NMNAT1: variants seen among roughly 807,000 people sequenced by gnomAD.
NMNAT1 encodes nicotinamide/nicotinic acid mononucleotide adenylyltransferase 1.
In NMNAT1, 11 loss-of-function variants were observed where a neutral mutation model predicts 16.7. The observed-to-expected ratio is 0.66, with a 90% confidence interval of 0.41 to 1.09. The LOEUF (loss-of-function observed/expected upper bound fraction) is 1.09. Among genes scored for constraint, NMNAT1 ranks in the 50% least tolerant of loss-of-function variants. The pLI is 0.00. For synonymous variants in NMNAT1, 110 were observed against 119.8 expected, an observed-to-expected ratio of 0.92 and a Z score of 0.53; for missense variants, 280 against 332.3, an observed-to-expected ratio of 0.84 and a Z score of 1.22.
At chr1:9,996,221 G>A in the NMNAT1 span, among the ~76,000 whole-genome samples, 1 of 150,386 alleles carries the variant, frequency 6.6e-6, no homozygotes. Flanking sequence ...TGAGGCAGGA[G>A]AATGGCGTGA....
At chr1:9,995,408 T>TC in the NMNAT1 span, among the ~76,000 whole-genome samples, 1 of 150,820 alleles carries the variant, frequency 6.6e-6, no homozygotes, top group South Asian at 2.1e-4. Flanking sequence ...CAAAAAATAG[T>TC]CAGTCTGGGT....
intron 3 of NMNAT1, among the ~76,000 whole-genome samples, chr1:9,977,406 T>C (rs1239266050): frequency 6.6e-6 from 1 of 151,946 alleles, no homozygotes; most frequent in African/African-American, 2.4e-5. Flanking sequence ...TTATCTTGAG[T>C]TTAAAATGAA....
intron 1 of NMNAT1, among the ~76,000 whole-genome samples, chr1:9,948,197 G>C (rs1641022338): frequency 6.6e-6 from 1 of 152,076 alleles, no homozygotes; most frequent in Admixed American, 6.6e-5. Context: ...ATGTGTTCAG[G>C]TGCTGTGCCT....
At chr1:9,954,863 G>A (rs906046730) in intron 1 of NMNAT1, among the ~76,000 whole-genome samples, 47 of 149,806 alleles carry the variant, frequency 3.1e-4, no homozygotes, top group Admixed American at 1.0e-3. Flanking sequence ...CCCAGGAGGC[G>A]GAGGTTGCAG....
At position 9,969,423 on chromosome 1, in the gene NMNAT1, A is replaced by G. The variant is rs114512379; in HGVS notation, c.-56-2595A>G. 9.0e-3 allele frequency among the ~76,000 whole-genome samples: 1,371 copies of G among 152,212 alleles called. 24 individuals are homozygous for G. The highest frequency in any genetic ancestry group is 0.031 in the African/African-American group (1,304 of 41,532). On this transcript the variant is annotated intron_variant, in intron 1 of 4. Transcript: ENST00000377205. Reference sequence around the variant, plus strand: ...GAGGCTATCAGGAAATTAGAGCATGAAGGCAGGAGGTGGAAAATACAGAAA... The same window carrying G: ...GAGGCTATCAGGAAATTAGAGCATGGAGGCAGGAGGTGGAAAATACAGAAA...
intron 1 of NMNAT1, among the ~76,000 whole-genome samples, chr1:9,966,424 C>T (rs978494015): frequency 2.6e-5 from 4 of 152,062 alleles, no homozygotes; most frequent in Non-Finnish European, 5.9e-5. Flanking sequence ...ACCAGCCTAG[C>T]CAACATGGTG....
In NMNAT1 at chr1:9,963,830, T is replaced by C. The variant is rs1641482405; in HGVS notation, c.-56-8188T>C. Among the ~76,000 whole-genome samples the C allele has an allele frequency of 2.6e-5, 4 of 152,328 alleles. No individual in the cohort carries two copies. In the South Asian group the frequency reaches 8.3e-4, roughly 32 times the overall value. On this transcript the variant is annotated intron_variant, in intron 1 of 4. Transcript: ENST00000377205. ...AGATTATCATTTGGAACATGCTAAT[T>C]GCTTTTGGCCAAGTTATTTTTTTGC... is the stretch of plus-strand genomic sequence containing the variant.
At chr1:9,947,424 C>T (rs1167595333) in intron 1 of NMNAT1, 1 of 152,678 alleles carries the variant, frequency 6.5e-6, no homozygotes, top group Non-Finnish European at 1.5e-5. Flanking sequence ...CCTCACTGCT[C>T]CATGTATATC....
chr1:9,972,573 A>C (rs1027817024), intron 2 of NMNAT1: 1 of 177,112 alleles, frequency 5.6e-6, no homozygotes, highest in African/African-American at 2.4e-5. Context: ...GGGCACAAAC[A>C]TGCTGTCCTG....
At chr1:9,994,366 G>A in the NMNAT1 span, among the ~76,000 whole-genome samples, 1 of 152,004 alleles carries the variant, frequency 6.6e-6, no homozygotes, top group African/African-American at 2.4e-5. Flanking sequence ...ACCCATCTCA[G>A]CCTCCCAAAG....
chr1:9,981,043 G>A lies in NMNAT1; in HGVS notation c.312G>A (p.Glu104=), dbSNP rs746110832. ...TGTTGTTTTATAGACACCATCAAGA[G>A]AAATTGGAGGCTAGTGACTGTGATC... ...ETLKVLRHHQ[E]KLEASDCDHQ... The change falls in exon 4 of 5, where the codon GAG becomes GAA. Residue 104 remains glutamate (E), a synonymous_variant. Coordinates refer to ENST00000377205, the MANE Select transcript of NMNAT1 (RefSeq NM_022787.4). 2 of 1,606,190 alleles carry A rather than the reference G, an allele frequency of 1.2e-6. No individual in the cohort carries two copies. Among genetic ancestry groups the A allele is most frequent in the Non-Finnish European group, 1.7e-6 (2 of 1,178,106 alleles).
At chr1:9,988,415 C>T (rs1037810806), downstream of NMNAT1, among the ~76,000 whole-genome samples, 2 of 152,020 alleles carry the variant, frequency 1.3e-5, no homozygotes, top group African/African-American at 2.4e-5. Flanking sequence ...AGAAAGGGTA[C>T]CTTGGCTGGG....
At chr1:9,994,858 C>T in the NMNAT1 span, among the ~76,000 whole-genome samples, 6 of 151,816 alleles carry the variant, frequency 4.0e-5, no homozygotes, top group Middle Eastern at 3.4e-3. Flanking sequence ...GTGATCTGCC[C>T]GCCTCAGCCT....
chr1:9,959,505 AC>A (rs1315405254), intron 1 of NMNAT1, among the ~76,000 whole-genome samples: 2 of 150,138 alleles, frequency 1.3e-5, no homozygotes, highest in Non-Finnish European at 3.0e-5. Context: ...ATATGGTGAA[AC>A]CCCATCTCTA....
intron 1 of NMNAT1, among the ~76,000 whole-genome samples, chr1:9,944,262 A>G (rs1640909381): frequency 6.6e-6 from 1 of 151,886 alleles, no homozygotes; most frequent in Non-Finnish European, 1.5e-5. Context: ...TCAAAAATAA[A>G]AATAAAAAAA....
chr1:9,996,683 A>C, the NMNAT1 span, among the ~76,000 whole-genome samples: 1 of 152,078 alleles, frequency 6.6e-6, no homozygotes, highest in Non-Finnish European at 1.5e-5. Flanking sequence ...CCCTACCTTG[A>C]ATGTGGATGT....
At chr1:9,976,057 CG>C (rs1641805652) in intron 3 of NMNAT1, among the ~76,000 whole-genome samples, 2 of 152,026 alleles carry the variant, frequency 1.3e-5, no homozygotes, top group African/African-American at 4.8e-5. Flanking sequence ...GAGGCTGAGG[CG>C]GGTGGATCAG....
chr1:9,964,253 G>C (rs543665563), intron 1 of NMNAT1, among the ~76,000 whole-genome samples: 86 of 151,628 alleles, frequency 5.7e-4, no homozygotes, highest in Admixed American at 1.4e-3. Context: ...ACTTTGAGAA[G>C]TGTAGGTGGG....
chr1:9,943,688 A>G (rs1329045018), intron 1 of NMNAT1, among the ~76,000 whole-genome samples, 173 bp downstream of exon 1: 1 of 152,232 alleles, frequency 6.6e-6, no homozygotes, highest in Non-Finnish European at 1.5e-5. Flanking sequence ...GTGGAACGGA[A>G]AACTTCGGTA....
Sources: gnomAD v4.1 joint callset for allele counts (sites outside exome capture counted in the v4.1 genomes callset) on GRCh38, gnomAD v4.1.1 for gene constraint, MANE v1.5 for transcripts, NCBI Gene and HGNC (gene_info 2026-07-23, HGNC 2026-07-21) for gene names.